Variants in CAMK2D observed in about 807,000 individuals in gnomAD.
CAMK2D encodes the protein calcium/calmodulin-dependent protein kinase type II subunit delta.
CAMK2D carries 37 observed loss-of-function variants against 84.0 expected under a neutral mutation model. The ratio of observed to expected loss-of-function variants is 0.44; its 90% CI spans 0.34 to 0.58. The LOEUF is 0.58. Ranked by LOEUF, CAMK2D falls within the 20% of genes least tolerant of loss-of-function variation. The pLI, the probability that CAMK2D is intolerant of heterozygous loss-of-function variation, is 0.02. For synonymous variants in CAMK2D, 202 were observed against 212.5 expected, an observed-to-expected ratio of 0.95 and a Z score of 0.43; for missense variants, 448 against 652.5, an observed-to-expected ratio of 0.69 and a Z score of 3.41.
At chr4:113,749,733 A>G (rs1562216302) in intron 2 of CAMK2D, among the ~76,000 whole-genome samples, 1 of 152,326 alleles carries the variant, frequency 6.6e-6, no homozygotes, top group East Asian at 1.9e-4. Context: ...CATGGTTTAA[A>G]AAAAGAGCAG....
intron 2 of CAMK2D, among the ~76,000 whole-genome samples, chr4:113,718,564 C>T (rs1013110534): frequency 8.5e-5 from 13 of 152,308 alleles, no homozygotes; most frequent in African/African-American, 3.1e-4. Context: ...CTGTATGACT[C>T]CCAAACCATA....
At chr4:113,705,233 A>T (rs2099443578) in intron 2 of CAMK2D, among the ~76,000 whole-genome samples, 1 of 150,572 alleles carries the variant, frequency 6.6e-6, no homozygotes, top group Admixed American at 6.6e-5. Context: ...AGGCTGAGGC[A>T]GGAGAATGTA....
At chr4:113,645,014 T>A (rs1010276301) in intron 3 of CAMK2D, among the ~76,000 whole-genome samples, 2 of 152,050 alleles carry the variant, frequency 1.3e-5, no homozygotes, top group East Asian at 3.9e-4. Context: ...TTGTTGTTTT[T>A]TGTTTTTGTT....
At chr4:113,508,105 A>T in intron 13 of CAMK2D, 2 of 650,968 alleles carry the variant, frequency 3.1e-6, no homozygotes, top group South Asian at 3.7e-5. Flanking sequence ...CCGTGTTTTG[A>T]TAGTTGACTA....
intron 3 of CAMK2D, among the ~76,000 whole-genome samples, chr4:113,636,464 C>T (rs911643551): frequency 6.6e-6 from 1 of 152,230 alleles, no homozygotes; most frequent in South Asian, 2.1e-4. Context: ...TCAGCTCACT[C>T]CTCTCTTCAG....
At chr4:113,616,800 A>T (rs2099023039) in intron 3 of CAMK2D, among the ~76,000 whole-genome samples, 1 of 152,230 alleles carries the variant, frequency 6.6e-6, no homozygotes, top group African/African-American at 2.4e-5. Flanking sequence ...TAAAAACATA[A>T]ATTTAAGGGT....
chr4:113,676,384 T>G (rs1331042172), intron 2 of CAMK2D, among the ~76,000 whole-genome samples: 1 of 152,206 alleles, frequency 6.6e-6, no homozygotes, highest in Non-Finnish European at 1.5e-5. Flanking sequence ...CTGCCCATTT[T>G]CTAGATTATT....
At chr4:113,511,043 GT>G (rs775657711) in intron 12 of CAMK2D, among the ~76,000 whole-genome samples, 74 of 152,050 alleles carry the variant, frequency 4.9e-4, no homozygotes, top group Admixed American at 1.4e-3. Flanking sequence ...ATGATTCAGG[GT>G]AAGCAGGGAT....
Position 113,557,362 on chromosome 4 carries a change from C to G in CAMK2D, c.276-5266G>C, listed in dbSNP as rs1031773577. 9.8e-5 allele frequency among the ~76,000 whole-genome samples: 15 copies of G among 152,300 alleles called. 2 individuals carry two copies. Among genetic ancestry groups the G allele is most frequent in the African/African-American group, 3.6e-4 (15 of 41,582 alleles). On this transcript the variant is annotated intron_variant, in intron 4 of 20. Transcript: ENST00000511664. ...TGTCTCCGCTTAATTTGTATCCCAC[C>G]TATCTTCCAATTGAGGCCCTCTCTT...
rs1173895310 is a variant in CAMK2D at position 113,509,619 on chromosome 4, G to A, written c.984+19C>T. 6.6e-7 allele frequency: 1 copy of A among 1,522,352 alleles called. No homozygotes were observed. Among genetic ancestry groups the A allele is most frequent in the Middle Eastern group, 1.7e-4 (1 of 5,860 alleles). The allele number at this position is 1,522,352 out of a possible 1,614,324, so 94.3% of individuals were successfully genotyped here. A position where few individuals can be genotyped will look rare whatever the true frequency, so the allele number is the denominator to read the frequency against. ...CATCTGAAAGTCAGAAATGGATTAG[G>A]GGCATCTGTTTAACTTACCTTTACT... On this transcript the variant is annotated intron_variant, in intron 13 of 20. Transcript: ENST00000511664.
chr4:113,526,044 T>C (rs976137116), intron 8 of CAMK2D, among the ~76,000 whole-genome samples: 2 of 152,194 alleles, frequency 1.3e-5, no homozygotes, highest in African/African-American at 2.4e-5. Context: ...TGAGGTGATA[T>C]ATAATAAAAT....
intron 4 of CAMK2D, among the ~76,000 whole-genome samples, chr4:113,582,491 T>C (rs944436410): frequency 4.6e-5 from 7 of 152,208 alleles, no homozygotes; most frequent in African/African-American, 1.7e-4. Flanking sequence ...TATGTTTCTA[T>C]CATTAACTCA....
At chr4:113,547,864 G>A in intron 5 of CAMK2D, 148 bp from the exon 6 acceptor site, 1 of 470,668 alleles carries the variant, frequency 2.1e-6, no homozygotes, top group Non-Finnish European at 3.8e-6. Flanking sequence ...TATTGCTCAA[G>A]TAGAGTGACT....
At chr4:113,737,666 T>C (rs1351440646) in intron 2 of CAMK2D, among the ~76,000 whole-genome samples, 2 of 152,296 alleles carry the variant, frequency 1.3e-5, no homozygotes, top group East Asian at 1.9e-4. Context: ...TTCCATAATA[T>C]AAAAAATCTT....
rs542793826 is a variant in CAMK2D at position 113,652,584 on chromosome 4, G to A, written c.220+9129C>T. On this transcript the variant is annotated intron_variant, in intron 3 of 20. Transcript: ENST00000511664. Reference sequence around the variant, plus strand: ...CATGGTGAGAAAAGGGAGTGGAGGTGGGATTCTGCACAACTCAAGCCCCAA... The same window carrying A: ...CATGGTGAGAAAAGGGAGTGGAGGTAGGATTCTGCACAACTCAAGCCCCAA... Among the ~76,000 whole-genome samples the A allele has an allele frequency of 2.0e-5, 3 of 152,214 alleles. 1 individual carries two copies. The highest frequency in any genetic ancestry group is 7.2e-5 in the African/African-American group (3 of 41,540).
rs137956739 is a variant in CAMK2D at position 113,663,849 on chromosome 4, G to A, written c.161-2077C>T. Among the ~76,000 whole-genome samples the A allele has an allele frequency of 4.7e-3, 722 of 152,064 alleles. 9 individuals are homozygous for A. The East Asian group carries it at 0.059, about 12-fold the overall frequency. On this transcript the variant is annotated intron_variant, in intron 2 of 20. Coordinates refer to ENST00000511664, the MANE Select transcript of CAMK2D (RefSeq NM_001321571.2). ...TAAACATAACTATAAAAAAATTATC[G>A]TATGAGCTGAACTGTTGTTTCCCCA...
intron 16 of CAMK2D, among the ~76,000 whole-genome samples, chr4:113,465,832 C>T (rs58491498): frequency 6.6e-6 from 1 of 152,152 alleles, no homozygotes; most frequent in South Asian, 2.1e-4. Flanking sequence ...CTGCCAGAAT[C>T]TGCATTTTAA....
intron 15 of CAMK2D, among the ~76,000 whole-genome samples, chr4:113,501,832 T>TA (rs34837965): frequency 6.6e-6 from 1 of 152,210 alleles, no homozygotes; most frequent in Non-Finnish European, 1.5e-5. Flanking sequence ...CTAATGCTAT[T>TA]AAAAAAATTG....
In CAMK2D at chr4:113,569,735, A is replaced by G. The variant is rs1411314171; in HGVS notation, c.276-17639T>C. ...TTCATGCAATTCTACCCTCTTAAGA[A>G]TAATATCTCTACAAAAACATTAAAT... On this transcript the variant is annotated intron_variant, in intron 4 of 20. Coordinates refer to ENST00000511664, the MANE Select transcript of CAMK2D (RefSeq NM_001321571.2). 3.0e-4 allele frequency among the ~76,000 whole-genome samples: 46 copies of G among 152,176 alleles called. 2 individuals are homozygous for G. The highest frequency in any genetic ancestry group is 3.0e-3 in the Admixed American group (46 of 15,272).
Sources: allele counts gnomAD v4.1 joint callset (sites outside exome capture counted in the v4.1 genomes callset), GRCh38; gene constraint gnomAD v4.1.1; transcripts MANE v1.5; gene names NCBI Gene and HGNC (gene_info 2026-07-23, HGNC 2026-07-21).